Variants in ENTREP3 observed in about 807,000 individuals in gnomAD.
The protein encoded by ENTREP3 is endosomal transmembrane epsin interactor 3, also known as protein ENTREP3.
chr1:155,254,170 C>T, the ENTREP3 span: 1 of 1,613,952 alleles, frequency 6.2e-7, no homozygotes, highest in Non-Finnish European at 8.5e-7. This position sits in a 1 kb window ranked among gnomAD's most constrained non-coding sequence, Gnocchi z 4.4. Context: ...ACACAGAGCA[C>T]CGAAAGCAAG....
At chr1:155,249,743 G>T in the ENTREP3 span, among the ~76,000 whole-genome samples, 1 of 152,092 alleles carries the variant, frequency 6.6e-6, no homozygotes, top group Non-Finnish European at 1.5e-5. Flanking sequence ...GCCGGGCGTG[G>T]TGGCAGGCAT....
the ENTREP3 span, chr1:155,253,552 C>A: frequency 9.6e-7 from 1 of 1,038,946 alleles, no homozygotes; most frequent in Non-Finnish European, 1.5e-6. Flanking sequence ...CCATTGTTCC[C>A]TCAGGCAAGT....
the ENTREP3 span, chr1:155,247,689 T>G: frequency 2.4e-5 from 30 of 1,239,808 alleles, no homozygotes; most frequent in Non-Finnish European, 3.1e-5. Context: ...GGTTTCTTTT[T>G]GTGCCAGCCA....
the ENTREP3 span, chr1:155,255,128 G>A: frequency 2.1e-5 from 12 of 583,472 alleles, no homozygotes; most frequent in Non-Finnish European, 3.4e-5. This position sits in a 1 kb window ranked among gnomAD's most constrained non-coding sequence, Gnocchi z 5.6. Context: ...CCGGGGCGAC[G>A]ATGAGGACGC....
chr1:155,247,799 G>A, the ENTREP3 span: 24 of 1,463,758 alleles, frequency 1.6e-5, no homozygotes, highest in South Asian at 1.5e-4. Context: ...CCAGTCTCCC[G>A]GCTGCCCCCG....
the ENTREP3 span, chr1:155,248,154 C>T: frequency 1.2e-5 from 20 of 1,613,900 alleles, no homozygotes; most frequent in African/African-American, 2.4e-4. Context: ...CCCTTTAGGT[C>T]CCCCAGGGAG....
chr1:155,249,885 CAAAAAAA>C, the ENTREP3 span, among the ~76,000 whole-genome samples: 1 of 31,126 alleles, frequency 3.2e-5, no homozygotes, highest in Non-Finnish European at 5.8e-5. Flanking sequence ...GACACCGTCT[CAAAAAAA>C]AAAAAAAAAA....
At chr1:155,250,730 CAG>C in the ENTREP3 span, 1 of 1,612,750 alleles carries the variant, frequency 6.2e-7, no homozygotes, top group East Asian at 2.2e-5. The surrounding 1 kb of genome is among the most constrained non-coding windows in gnomAD (Gnocchi z 5.4). Flanking sequence ...CGGAGCCCTG[CAG>C]CTCCAGCAGG....
the ENTREP3 span, chr1:155,252,925 T>G: frequency 6.8e-6 from 1 of 146,630 alleles, no homozygotes; most frequent in Non-Finnish European, 1.5e-5. Context: ...GTTTGTTTTT[T>G]GAGATGGAGT....
chr1:155,254,051 A>G, the ENTREP3 span: 2 of 1,613,770 alleles, frequency 1.2e-6, no homozygotes, highest in Non-Finnish European at 1.7e-6. The surrounding 1 kb of genome is among the most constrained non-coding windows in gnomAD (Gnocchi z 4.4). Context: ...TCCCCCAGCC[A>G]GTTCTTTCCA....
At chr1:155,254,643 C>T in the ENTREP3 span, 4 of 1,605,896 alleles carry the variant, frequency 2.5e-6, no homozygotes, top group Non-Finnish European at 3.4e-6. The surrounding 1 kb of genome is among the most constrained non-coding windows in gnomAD (Gnocchi z 4.4). Flanking sequence ...CAACTGTGCA[C>T]CCAACTCACC....
chr1:155,251,303 C>A, the ENTREP3 span: 56 of 781,296 alleles, frequency 7.2e-5, no homozygotes, highest in African/African-American at 8.9e-4. Context: ...TCAGCTTCCA[C>A]GTCTGTATGG....
At chr1:155,253,353 T>C in the ENTREP3 span, 1 of 426,130 alleles carries the variant, frequency 2.3e-6, no homozygotes, top group Non-Finnish European at 4.2e-6. Flanking sequence ...CATAGGACCT[T>C]CTTGACTCTA....
the ENTREP3 span, chr1:155,253,615 C>G: frequency 2.5e-6 from 4 of 1,605,824 alleles, no homozygotes; most frequent in African/African-American, 5.4e-5. Flanking sequence ...GGCCCCTGCT[C>G]CCTTCTCACC....
chr1:155,254,437 A>G, the ENTREP3 span: 1 of 1,614,118 alleles, frequency 6.2e-7, no homozygotes, highest in South Asian at 1.1e-5. The surrounding 1 kb of genome is among the most constrained non-coding windows in gnomAD (Gnocchi z 4.4). Context: ...CACAATGCCA[A>G]CCACCCCGGA....
chr1:155,250,138 G>A, the ENTREP3 span: 1 of 658,640 alleles, frequency 1.5e-6, no homozygotes, highest in Admixed American at 3.4e-5. This position sits in a 1 kb window ranked among gnomAD's most constrained non-coding sequence, Gnocchi z 5.4. Flanking sequence ...CCTGAGAAGT[G>A]TCTACCAGAG....
the ENTREP3 span, chr1:155,248,040 G>A: frequency 3.7e-6 from 6 of 1,614,158 alleles, no homozygotes; most frequent in Admixed American, 1.7e-5. Flanking sequence ...CTGGCTCCCC[G>A]AATTCCTACC....
At chr1:155,250,270 G>T in the ENTREP3 span, 2 of 1,545,568 alleles carry the variant, frequency 1.3e-6, no homozygotes, top group Non-Finnish European at 1.7e-6. The surrounding 1 kb of genome is among the most constrained non-coding windows in gnomAD (Gnocchi z 5.4). Flanking sequence ...CGGGGAGGGG[G>T]CTCACCAGTG....
chr1:155,249,301 G>T, the ENTREP3 span, among the ~76,000 whole-genome samples: 1 of 151,616 alleles, frequency 6.6e-6, no homozygotes, highest in Non-Finnish European at 1.5e-5. Context: ...ATGTTAGCCA[G>T]GCTGGTCTCG....
Sources: allele counts gnomAD v4.1 joint callset (sites outside exome capture counted in the v4.1 genomes callset), GRCh38; gene constraint gnomAD v4.1.1; non-coding constraint Gnocchi (gnomAD v3.1); transcripts MANE v1.5; gene names NCBI Gene and HGNC (gene_info 2026-07-23, HGNC 2026-07-21).